MEOX1: variants seen among roughly 807,000 people sequenced by gnomAD.
MEOX1 encodes the protein homeobox protein MOX-1.
Under a neutral mutation model 23.2 loss-of-function variants are expected in MEOX1, and 17 were observed. The observed-to-expected ratio is 0.73, with a 90% CI of 0.50 to 1.10. The LOEUF is 1.10. MEOX1 is among the 50% of genes least tolerant of loss of function. The pLI is 0.00. For missense variants in MEOX1, 333 were observed against 332.2 expected (o/e 1.00, Z -0.02); for synonymous variants, 134 against 135.1 (o/e 0.99, Z 0.06).
intron 1 of MEOX1, among the ~76,000 whole-genome samples, chr17:43,645,263 G>A (rs1329517959): frequency 1.5e-5 from 2 of 137,396 alleles, no homozygotes; most frequent in Non-Finnish European, 3.0e-5. Flanking sequence ...TGCAAGCTCC[G>A]CCTCCCGGGT....
chr17:43,647,991 A>C (rs528078460), intron 1 of MEOX1, among the ~76,000 whole-genome samples: 43 of 152,354 alleles, frequency 2.8e-4, no homozygotes, highest in African/African-American at 1.0e-3. Flanking sequence ...AAGGGACCAG[A>C]AGTATGGGAA....
intron 2 of MEOX1, among the ~76,000 whole-genome samples, chr17:43,642,381 A>T (rs1207975239): frequency 6.6e-6 from 1 of 152,064 alleles, no homozygotes; most frequent in Non-Finnish European, 1.5e-5. Context: ...CATCAGCCTT[A>T]TCCTTAGGCA....
intron 1 of MEOX1, among the ~76,000 whole-genome samples, chr17:43,652,460 T>C (rs1186954657): frequency 6.6e-6 from 1 of 152,168 alleles, no homozygotes; most frequent in Non-Finnish European, 1.5e-5. Flanking sequence ...TTGGGAAAAC[T>C]GGAGCCAGGG....
rs397856379 is a variant in MEOX1 at position 43,652,825 on chromosome 17, CTTTTTTT to C, written c.469+8234_469+8240del. Reference sequence around the variant, plus strand: ...TATTTCATTCTCATCTCTACTATTGCTTTTTTTTTTTTTTTTTTTTTTTTGAGACGGA... The same window carrying C: ...TATTTCATTCTCATCTCTACTATTGCTTTTTTTTTTTTTTTTTGAGACGGA... On this transcript the variant is annotated intron_variant, in intron 1 of 2. Transcript: ENST00000318579. Among the ~76,000 whole-genome samples, 5 of 71,072 alleles carry C rather than the reference CTTTTTTT, an allele frequency of 7.0e-5. No individual in the cohort carries two copies. In the South Asian group the frequency reaches 2.1e-3, roughly 30 times the overall value. 46.6% of individuals were successfully genotyped at this position (71,072 alleles called of 152,430 possible). A position where few individuals can be genotyped will look rare whatever the true frequency, so the allele number is the denominator to read the frequency against.
At chr17:43,644,962 A>G (rs990457258) in intron 1 of MEOX1, among the ~76,000 whole-genome samples, 2 of 152,142 alleles carry the variant, frequency 1.3e-5, no homozygotes, top group Admixed American at 6.6e-5. Context: ...GTCCTGAACA[A>G]ATAAAAGGGG....
At chr17:43,643,201 A>G (rs1449774333) in intron 2 of MEOX1, among the ~76,000 whole-genome samples, 4 of 152,192 alleles carry the variant, frequency 2.6e-5, no homozygotes, top group African/African-American at 9.6e-5. Context: ...TAGCCCAGCT[A>G]CTTGGGAGGC....
At chr17:43,645,153 G>A (rs946491740) in intron 1 of MEOX1, among the ~76,000 whole-genome samples, 14 of 149,240 alleles carry the variant, frequency 9.4e-5, no homozygotes, top group African/African-American at 3.2e-4. Flanking sequence ...TTTAAAAGAC[G>A]TTTGCTTCAT....
At chr17:43,657,035 T>TTTCTTTCC in intron 1 of MEOX1, among the ~76,000 whole-genome samples, 1 of 132,738 alleles carries the variant, frequency 7.5e-6, no homozygotes, top group Admixed American at 7.7e-5. Flanking sequence ...TCTTTCTTTC[T>TTTCTTTCC]TTCTTTCTTT....
intron 2 of MEOX1, among the ~76,000 whole-genome samples, chr17:43,642,676 G>A (rs577268416): frequency 6.9e-6 from 1 of 143,966 alleles, no homozygotes; most frequent in East Asian, 1.9e-4. Context: ...GTGGCTGAAG[G>A]GAAAGTCCAA....
chr17:43,658,469 T>C (rs1162127373), intron 1 of MEOX1, among the ~76,000 whole-genome samples: 1 of 145,182 alleles, frequency 6.9e-6, no homozygotes, highest in Admixed American at 7.2e-5. Context: ...ACTATGCCAC[T>C]GCACTCCAGC....
At position 43,642,027 on chromosome 17, in the gene MEOX1, T is replaced by C. The variant is rs1245948651; in HGVS notation, c.648A>G (p.Lys216=). ...VNLDLSERQV[K]VWFQNRRMKW... is the part of the protein sequence containing the mutation. ...TCATCCTTCGGTTCTGGAACCACAC[T>C]TTGACCTGGGGGAGGAAGCAAAGGA... is the stretch of plus-strand genomic sequence containing the variant. The change falls in exon 3 of 3, where the codon AAA becomes AAG. Residue 216 remains lysine (K), a synonymous_variant. Coordinates refer to ENST00000318579, the MANE Select transcript of MEOX1 (RefSeq NM_004527.4). 6.2e-7 allele frequency: 1 copy of C among 1,613,148 alleles called. No homozygotes were observed. Among genetic ancestry groups the C allele is most frequent in the Non-Finnish European group, 8.5e-7 (1 of 1,179,490 alleles).
chr17:43,652,827 T>TA lies in MEOX1; in HGVS notation c.469+8238_469+8239insT, dbSNP rs1468012324. ...TTTCATTCTCATCTCTACTATTGCT[T>TA]TTTTTTTTTTTTTTTTTTTTTTGAG... On this transcript the variant is annotated intron_variant, in intron 1 of 2. Coordinates refer to ENST00000318579, the MANE Select transcript of MEOX1 (RefSeq NM_004527.4). 6.5e-3 allele frequency among the ~76,000 whole-genome samples: 214 copies of TA among 33,132 alleles called. 2 individuals carry two copies. Among genetic ancestry groups the TA allele is most frequent in the Middle Eastern group, 0.017 (1 of 60 alleles). The allele number at this position is 33,132 out of a possible 152,430, so 21.7% of individuals were successfully genotyped here.
In MEOX1 at chr17:43,643,544, G is replaced by A; in HGVS notation, c.586C>T (p.Leu196=). 1 of 1,610,712 alleles carries A rather than the reference G, an allele frequency of 6.2e-7. No homozygotes were observed. Among genetic ancestry groups the A allele is most frequent in the Admixed American group, 1.7e-5 (1 of 59,454 alleles). Residue 196 remains leucine (L), a synonymous_variant, in exon 2 of 3, where the codon CTG becomes TTG. Coordinates refer to ENST00000318579, the MANE Select transcript of MEOX1 (RefSeq NM_004527.4). ...LEAEFAHHNY[L]TRLRRYEIAV... ...ATCTCATATCTGCGGAGCCGAGTCAGGTAGTTATGATGGGCAAACTCTGCC... is the reference window on the plus strand; with the variant it reads ...ATCTCATATCTGCGGAGCCGAGTCAAGTAGTTATGATGGGCAAACTCTGCC...
chr17:43,661,068 G>A lies in MEOX1; in HGVS notation c.467C>T (p.Ser156Leu), dbSNP rs1973128714. ...TCAGCTGCTCCTGAGCCACCTACCT[G>A]AACTCTCCTTTCTCCGCCTGGATGA... ...KKSSRRRKES[S>L]DNQENRGKPE... is the part of the protein sequence containing the mutation. The change falls in exon 1 of 3, where the codon TCA becomes TTA. Residue 156 changes from serine (S) to leucine (L), a missense_variant and splice_region_variant. Ser to Leu is a moderately radical substitution (Grantham distance 145). Transcript: ENST00000318579. 6.7e-7 allele frequency: 1 copy of A among 1,495,640 alleles called. No homozygotes were observed. The highest frequency in any genetic ancestry group is 2.4e-5 in the Admixed American group (1 of 42,042). The allele number at this position is 1,495,640 out of a possible 1,614,324, so 92.6% of individuals were successfully genotyped here.
At chr17:43,657,052 T>TTC (rs1370202949) in intron 1 of MEOX1, among the ~76,000 whole-genome samples, 2 of 141,324 alleles carry the variant, frequency 1.4e-5, no homozygotes, top group South Asian at 2.2e-4. Context: ...CTTTCTTTCT[T>TTC]TCTTTCCTTC....
At chr17:43,647,455 G>A (rs1261621717) in intron 1 of MEOX1, among the ~76,000 whole-genome samples, 1 of 152,208 alleles carries the variant, frequency 6.6e-6, no homozygotes, top group African/African-American at 2.4e-5. Flanking sequence ...TGACAGAAGG[G>A]AGATTTGAAC....
chr17:43,652,485 G>T (rs1241079524), intron 1 of MEOX1, among the ~76,000 whole-genome samples: 4 of 152,130 alleles, frequency 2.6e-5, no homozygotes, highest in African/African-American at 9.7e-5. Flanking sequence ...CCAAGTGTTG[G>T]CTGTGGACTC....
At position 43,641,829 on chromosome 17, in the gene MEOX1, G is replaced by T; in HGVS notation, c.*81C>A. On this transcript the variant is annotated 3_prime_UTR_variant, in exon 3 of 3. Transcript: ENST00000318579. ...GGAGAGGCTGCCCTGGCTGGGGAAG[G>T]AAGAGGGTGAAGGTGGGATTGGGGT... 1 of 1,437,314 alleles carries T rather than the reference G, an allele frequency of 7.0e-7. No homozygotes were observed. Among genetic ancestry groups the T allele is most frequent in the Non-Finnish European group, 9.4e-7 (1 of 1,063,120 alleles). The allele number at this position is 1,437,314 out of a possible 1,614,324, so 89.0% of individuals were successfully genotyped here.
Position 43,641,883 on chromosome 17 carries a change from T to A in MEOX1, c.*27A>T. The A allele has an allele frequency of 3.1e-6, 5 of 1,603,376 alleles. No homozygotes were observed. Among genetic ancestry groups the A allele is most frequent in the Non-Finnish European group, 4.3e-6 (5 of 1,175,140 alleles). ...GGTAGTTGGGTAGGGGGCTCAGTCC[T>A]TAGTCATTTTTCCTCCATGCAGAAT... On this transcript the variant is annotated 3_prime_UTR_variant, in exon 3 of 3. Transcript: ENST00000318579.
Sources: allele counts gnomAD v4.1 joint callset (sites outside exome capture counted in the v4.1 genomes callset), GRCh38; gene constraint gnomAD v4.1.1; transcripts MANE v1.5; gene names NCBI Gene and HGNC (gene_info 2026-07-23, HGNC 2026-07-21).